SUGCT: variants seen among roughly 807,000 people sequenced by gnomAD.
The protein encoded by SUGCT is succinyl-CoA:glutarate CoA-transferase.
SUGCT carries 41 observed loss-of-function variants against 55.0 expected under a neutral mutation model. The ratio of observed to expected loss-of-function variants is 0.74; its 90% CI spans 0.58 to 0.97. The LOEUF is 0.97. Ranked by LOEUF, SUGCT falls within the 50% of genes least tolerant of loss-of-function variation. The pLI is 0.00. For synonymous variants in SUGCT, 187 were observed against 200.4 expected (o/e 0.93, Z 0.56); for missense variants, 568 against 547.8 (o/e 1.04, Z -0.37).
chr7:40,941,583 A>T, the SUGCT span, among the ~76,000 whole-genome samples: 1 of 152,084 alleles, frequency 6.6e-6, no homozygotes, highest in Non-Finnish European at 1.5e-5. Flanking sequence ...TGTTAGGTCT[A>T]TTTGTGCTAG....
intron 7 of SUGCT, among the ~76,000 whole-genome samples, chr7:40,261,694 C>G (rs1434224580): frequency 6.6e-6 from 1 of 152,176 alleles, no homozygotes; most frequent in Admixed American, 6.5e-5. Context: ...GACCAAATGT[C>G]TCTTTAAAAG....
At chr7:40,462,843 C>A (rs2151453287) in intron 11 of SUGCT, among the ~76,000 whole-genome samples, 1 of 152,284 alleles carries the variant, frequency 6.6e-6, no homozygotes, top group Admixed American at 6.5e-5. Flanking sequence ...TTACTTAACA[C>A]ATTTGTTTCG....
At position 40,383,178 on chromosome 7, in the gene SUGCT, A is replaced by G. The variant is rs1372245944; in HGVS notation, c.817-66109A>G. On this transcript the variant is annotated intron_variant, in intron 9 of 13. Coordinates refer to ENST00000335693, the MANE Select transcript of SUGCT (RefSeq NM_001193313.2). ...GACTAAGAGTTACTGAGCAAGGGGT[A>G]TGGGGACTTGTGTTTCCTCTGTTTG... Among the ~76,000 whole-genome samples the G allele has an allele frequency of 5.9e-5, 9 of 152,166 alleles. No homozygotes were observed. The South Asian group carries it at 1.7e-3, about 28-fold the overall frequency.
chr7:40,953,770 A>G, the SUGCT span, among the ~76,000 whole-genome samples: 2 of 152,218 alleles, frequency 1.3e-5, no homozygotes. Flanking sequence ...AACAGCAAAT[A>G]TTGCTGAACA....
At chr7:40,290,165 C>T (rs1366926311) in intron 8 of SUGCT, among the ~76,000 whole-genome samples, 1 of 152,068 alleles carries the variant, frequency 6.6e-6, no homozygotes, top group East Asian at 1.9e-4. Context: ...CTTTAAAGTT[C>T]ATATGGAACC....
At chr7:40,463,792 A>G (rs1261382324) in intron 11 of SUGCT, among the ~76,000 whole-genome samples, 1 of 152,172 alleles carries the variant, frequency 6.6e-6, no homozygotes, top group Non-Finnish European at 1.5e-5. Flanking sequence ...GGAGTTTGCC[A>G]TTTTATCCAG....
At chr7:40,687,579 A>G (rs142964662) in intron 12 of SUGCT, among the ~76,000 whole-genome samples, 493 of 152,270 alleles carry the variant, frequency 3.2e-3, no homozygotes, top group Non-Finnish European at 4.3e-3. Context: ...CTGAGGAACC[A>G]CTGAGTTCTT....
intron 12 of SUGCT, among the ~76,000 whole-genome samples, chr7:40,741,491 C>G (rs1039802348): frequency 6.6e-6 from 1 of 152,076 alleles, no homozygotes; most frequent in Non-Finnish European, 1.5e-5. Flanking sequence ...TTAAGTTTTG[C>G]TGAGATATAA....
chr7:40,760,347 G>C (rs1788469428), intron 13 of SUGCT, among the ~76,000 whole-genome samples: 1 of 152,158 alleles, frequency 6.6e-6, no homozygotes, highest in East Asian at 1.9e-4. Flanking sequence ...AAGTAAATTA[G>C]TGACAAATAC....
chr7:40,478,771 C>T (rs73308209), intron 11 of SUGCT, among the ~76,000 whole-genome samples: 3 of 151,936 alleles, frequency 2.0e-5, no homozygotes, highest in South Asian at 2.1e-4. Flanking sequence ...ATCTCCAGAA[C>T]GTATTTGTCC....
the SUGCT span, among the ~76,000 whole-genome samples, chr7:40,970,669 A>G: frequency 6.6e-6 from 1 of 152,226 alleles, no homozygotes; most frequent in Non-Finnish European, 1.5e-5. Flanking sequence ...CTTGAATATG[A>G]TGTAACTGAG....
chr7:40,897,037 G>A, the SUGCT span, among the ~76,000 whole-genome samples: 3 of 152,288 alleles, frequency 2.0e-5, no homozygotes, highest in East Asian at 5.8e-4. Context: ...AGACTAGAGA[G>A]CCCAGAATAA....
intron 9 of SUGCT, among the ~76,000 whole-genome samples, chr7:40,381,530 T>A (rs1294650794): frequency 6.6e-6 from 1 of 152,148 alleles, no homozygotes; most frequent in African/African-American, 2.4e-5. Context: ...AAACCCTAAA[T>A]CTGTTGACTC....
At chr7:40,230,109 T>G (rs1178257510) in intron 6 of SUGCT, among the ~76,000 whole-genome samples, 2 of 152,224 alleles carry the variant, frequency 1.3e-5, no homozygotes, top group Admixed American at 6.5e-5. Context: ...AGGATAGGTC[T>G]TAGTCCTCTT....
chr7:40,233,805 A>G (rs1584410249), intron 6 of SUGCT, among the ~76,000 whole-genome samples: 1 of 152,204 alleles, frequency 6.6e-6, no homozygotes, highest in Admixed American at 6.5e-5. Flanking sequence ...AAATCCTCAT[A>G]AGAAATCTAT....
intron 9 of SUGCT, among the ~76,000 whole-genome samples, chr7:40,359,465 A>C (rs756700720): frequency 2.0e-5 from 3 of 152,172 alleles, no homozygotes; most frequent in Non-Finnish European, 2.9e-5. Flanking sequence ...TTGGCCTCCC[A>C]AAATGCTGGG....
At chr7:40,759,892 AAGC>A (rs1281141121) in intron 13 of SUGCT, among the ~76,000 whole-genome samples, 1 of 151,898 alleles carries the variant, frequency 6.6e-6, no homozygotes, top group Non-Finnish European at 1.5e-5. Flanking sequence ...TTAAAAAAAA[AAGC>A]AGCAGCAGCC....
At chr7:40,540,984 T>G (rs1005507090) in intron 12 of SUGCT, among the ~76,000 whole-genome samples, 6 of 152,230 alleles carry the variant, frequency 3.9e-5, no homozygotes, top group African/African-American at 1.4e-4. Context: ...TGTTTATGTT[T>G]TATTTGTTGT....
chr7:40,957,946 T>C, the SUGCT span, among the ~76,000 whole-genome samples: 3 of 152,282 alleles, frequency 2.0e-5, no homozygotes, highest in African/African-American at 7.2e-5. Context: ...GGATATGAAG[T>C]TCTGGGTTGA....
Sources: gnomAD v4.1 joint callset for allele counts (sites outside exome capture counted in the v4.1 genomes callset) on GRCh38, gnomAD v4.1.1 for gene constraint, MANE v1.5 for transcripts, NCBI Gene and HGNC (gene_info 2026-07-23, HGNC 2026-07-21) for gene names.